The following MAP3K15 variants were observed in gnomAD, a reference collection of about 807,000 sequenced individuals.
MAP3K15 encodes the protein MAPK/ERK kinase kinase 15.
Under a neutral mutation model 99.5 loss-of-function variants are expected in MAP3K15, and 124 were observed. The ratio of observed to expected loss-of-function variants is 1.25; its 90% CI spans 1.08 to 1.45. The LOEUF is 1.45. MAP3K15 is among the 40% of genes most tolerant of loss of function. The pLI is 0.00. For synonymous variants in MAP3K15, 494 were observed against 439.6 expected (o/e 1.12, Z -1.55); for missense variants, 1,242 against 1,079.7 (o/e 1.15, Z -2.11).
intron 11 of MAP3K15, among the ~76,000 whole-genome samples, chrX:19,412,251 T>C (rs923166176): frequency 1.8e-5 from 2 of 112,356 alleles, no homozygotes; most frequent in African/African-American, 6.5e-5. Flanking sequence ...GAACATTTAC[T>C]AGTTAAGTAA....
intron 13 of MAP3K15, among the ~76,000 whole-genome samples, chrX:19,401,009 T>G (rs746739051): frequency 9.0e-6 from 1 of 111,306 alleles, no homozygotes. Flanking sequence ...AAGACTTCTT[T>G]CATGTGGGTT....
chrX:19,373,271 C>T (rs5909114), intron 21 of MAP3K15: 47 of 309,278 alleles, frequency 1.5e-4, no homozygotes, highest in African/African-American at 1.4e-3. Flanking sequence ...GGGGAAGTGT[C>T]GAAGGAGAGG....
At chrX:19,499,574 G>A (rs1276984423) in intron 1 of MAP3K15, among the ~76,000 whole-genome samples, 5 of 112,003 alleles carry the variant, frequency 4.5e-5, no homozygotes, top group South Asian at 3.7e-4. Context: ...TAAACTAACC[G>A]GTATATTCTT....
intron 2 of MAP3K15, among the ~76,000 whole-genome samples, chrX:19,486,795 T>C (rs1206353410): frequency 1.8e-5 from 2 of 111,311 alleles, no homozygotes; most frequent in African/African-American, 6.5e-5. Flanking sequence ...ACAGGGCCAA[T>C]GCTTTTGCCC....
intron 9 of MAP3K15, among the ~76,000 whole-genome samples, chrX:19,425,068 C>T (rs1435650796): frequency 9.0e-6 from 1 of 111,632 alleles, no homozygotes; most frequent in Non-Finnish European, 1.9e-5. Context: ...CACACTTCCA[C>T]ATCTCCAAAC....
chrX:19,360,899 C>A (rs923800219), intron 28 of MAP3K15, 66 bp from the exon 29 acceptor site: 2 of 835,784 alleles, frequency 2.4e-6, no homozygotes, highest in Non-Finnish European at 3.4e-6. Context: ...AAACTGCAGT[C>A]CCTAATTTAA....
chrX:19,503,735 T>C (rs1375978686), intron 1 of MAP3K15, among the ~76,000 whole-genome samples: 1 of 110,372 alleles, frequency 9.1e-6, no homozygotes, highest in Non-Finnish European at 1.9e-5. Flanking sequence ...CCATAGGATA[T>C]AAGAAGTCTT....
chrX:19,426,046 C>T (rs1439800723), intron 8 of MAP3K15, among the ~76,000 whole-genome samples, 185 bp downstream of exon 8: 1 of 111,202 alleles, frequency 9.0e-6, no homozygotes, highest in African/African-American at 3.3e-5. Context: ...TGCTTGAACT[C>T]GGGAGGCGGA....
chrX:19,513,867 C>G (rs1167610104), intron 1 of MAP3K15, among the ~76,000 whole-genome samples: 1 of 110,842 alleles, frequency 9.0e-6, no homozygotes, highest in Non-Finnish European at 1.9e-5. Flanking sequence ...ACAATTCATT[C>G]CACACCGAGA....
chrX:19,513,585 G>C (rs1282078329), intron 1 of MAP3K15, among the ~76,000 whole-genome samples: 1 of 111,450 alleles, frequency 9.0e-6, no homozygotes, highest in African/African-American at 3.3e-5. Flanking sequence ...TTCCAGCTGG[G>C]GAGAATTTGC....
Position 19,486,462 on chromosome X carries a change from C to A in MAP3K15, c.525+20G>T. 1.3e-6 allele frequency: 1 copy of A among 761,435 alleles called. No individual in the cohort carries two copies. Among genetic ancestry groups the A allele is most frequent in the East Asian group, 3.9e-5 (1 of 25,451 alleles). The allele number at this position is 761,435 out of a possible 1,213,427, so 62.8% of individuals were successfully genotyped here. On this transcript the variant is annotated intron_variant, in intron 3 of 28. Coordinates refer to ENST00000338883, the MANE Select transcript of MAP3K15 (RefSeq NM_001001671.4). ...TACATTTAATTTCAGAATTAAAATT[C>A]TGAAAATGTTAATACTTACTGTGTT...
intron 1 of MAP3K15, among the ~76,000 whole-genome samples, chrX:19,505,031 A>G (rs1365673661): frequency 4.5e-5 from 5 of 109,982 alleles, no homozygotes; most frequent in African/African-American, 1.7e-4. Flanking sequence ...CAAACCTCTT[A>G]TTTTTTGAAA....
rs1239189419 is a variant in MAP3K15, at chrX:19,369,178, C to T, written c.3442G>A (p.Val1148Ile). 2 of 1,209,515 alleles carry T rather than the reference C, an allele frequency of 1.7e-6. No homozygotes were observed. The highest frequency in any genetic ancestry group is 2.2e-6 in the Non-Finnish European group (2 of 895,093). The part of the protein sequence containing the change: ...HFEPTCETEG[V>I]DKDMDEAEEG... Reference sequence around the variant, plus strand: ...TCCGCTTCATCCATGTCCTTATCTACCCCTTCAGTCTCACAGGTAGGCTCA... The same window carrying T: ...TCCGCTTCATCCATGTCCTTATCTATCCCTTCAGTCTCACAGGTAGGCTCA... The change falls in exon 25 of 29, where the codon GTA becomes ATA. Residue 1148 changes from valine to isoleucine, a missense_variant. By Grantham distance (29) the Val-to-Ile change is conservative (BLOSUM62 3). Transcript: ENST00000338883.
chrX:19,515,115 G>GCCGCTGCCGCCTGCCGCGC lies in MAP3K15; in HGVS notation c.128_146dup (p.Glu50ArgfsTer26). 1.2e-6 allele frequency: 1 copy of GCCGCTGCCGCCTGCCGCGC among 816,368 alleles called. No homozygotes were observed. Among genetic ancestry groups the GCCGCTGCCGCCTGCCGCGC allele is most frequent in the Non-Finnish European group, 1.5e-6 (1 of 656,378 alleles). The allele number at this position is 816,368 out of a possible 1,213,427, so 67.3% of individuals were successfully genotyped here. ...GCGGCCCGCCCCCACTCTCGCCCTC[G>GCCGCTGCCGCCTGCCGCGC]CCGCTGCCGCCTGCCGCGCCCTCCG... On this transcript the variant is annotated frameshift_variant, in exon 1 of 29. Coordinates refer to ENST00000338883, the MANE Select transcript of MAP3K15 (RefSeq NM_001001671.4). LOFTEE classifies it high-confidence loss of function.
chrX:19,425,792 A>G, intron 8 of MAP3K15, 102 bp from the exon 9 acceptor site: 1 of 783,869 alleles, frequency 1.3e-6, no homozygotes, highest in Non-Finnish European at 1.8e-6. Context: ...CAGGTGTGCT[A>G]TAGGAAAAGT....
intron 3 of MAP3K15, among the ~76,000 whole-genome samples, chrX:19,465,810 T>C (rs1475012022): frequency 1.1e-5 from 1 of 92,340 alleles, no homozygotes; most frequent in Non-Finnish European, 2.1e-5. Context: ...GTAGAAAGGG[T>C]AAAAATTCAG....
chrX:19,389,357 CT>C (rs1569207361), intron 18 of MAP3K15, among the ~76,000 whole-genome samples: 1 of 109,067 alleles, frequency 9.2e-6, no homozygotes, highest in Non-Finnish European at 1.9e-5. Flanking sequence ...GCCCTTCCTC[CT>C]GTTCTCGCAG....
intron 3 of MAP3K15, among the ~76,000 whole-genome samples, chrX:19,475,414 C>T (rs1044559968): frequency 6.3e-5 from 7 of 110,947 alleles, no homozygotes; most frequent in South Asian, 7.7e-4. Context: ...GTCGGGTGGC[C>T]CAGGGGTTGA....
chrX:19,482,548 C>A (rs1300309834), intron 3 of MAP3K15, among the ~76,000 whole-genome samples: 1 of 111,828 alleles, frequency 8.9e-6, no homozygotes, highest in Admixed American at 9.5e-5. Context: ...CTTGAAAAGG[C>A]AAGTCTATAA....
Sources: allele counts gnomAD v4.1 joint callset (sites outside exome capture counted in the v4.1 genomes callset), GRCh38; gene constraint gnomAD v4.1.1; transcripts MANE v1.5; gene names NCBI Gene and HGNC (gene_info 2026-07-23, HGNC 2026-07-21).